ZC3H12A: variants seen among roughly 807,000 people sequenced by gnomAD.
ZC3H12A encodes zinc finger CCCH-type containing 12A, also known as endoribonuclease ZC3H12A.
In ZC3H12A, 9 loss-of-function variants were observed where a neutral mutation model predicts 29.9. The observed-to-expected ratio is 0.30, with a 90% CI of 0.18 to 0.53. The LOEUF is 0.53. Among genes scored for constraint, ZC3H12A ranks in the 20% least tolerant of loss-of-function variants. The pLI is 0.96. For synonymous variants in ZC3H12A, 323 were observed against 338.1 expected (o/e 0.96, Z 0.49); for missense variants, 617 against 799.0 (o/e 0.77, Z 2.75).
At chr1:37,477,007 C>G (rs190557383) in intron 2 of ZC3H12A, among the ~76,000 whole-genome samples, 59 of 152,326 alleles carry the variant, frequency 3.9e-4, no homozygotes, top group African/African-American at 1.3e-3. Flanking sequence ...TCCAGCTGGC[C>G]CTGGCCCAGC....
Position 37,475,896 on chromosome 1 carries a change from G to A in ZC3H12A, c.400G>A (p.Asp134Asn), listed in dbSNP as rs778288507. The A allele has an allele frequency of 3.1e-5, 48 of 1,533,262 alleles. No homozygotes were observed. Among genetic ancestry groups the A allele is most frequent in the African/African-American group, 8.3e-5 (6 of 72,560 alleles). 95.0% of individuals were successfully genotyped at this position (1,533,262 alleles called of 1,614,324 possible). A position where few individuals can be genotyped will look rare whatever the true frequency, so the allele number is the denominator to read the frequency against. Reference sequence around the variant, plus strand: ...CCCAGAAGAGGAAAAGGAGGGCAGCGACCTGAGACCAGTGGTCATCGATGG... The same window carrying A: ...CCCAGAAGAGGAAAAGGAGGGCAGCAACCTGAGACCAGTGGTCATCGATGG... ...PLPEEEKEGS[D>N]LRPVVIDGSN... Residue 134 changes from aspartate (D) to asparagine (N), a missense_variant, in exon 2 of 6, where the codon GAC (aspartate) becomes AAC (asparagine). By Grantham distance (23) the Asp-to-Asn change is conservative (BLOSUM62 1). This residue lies in a region of ZC3H12A where 255 missense variants were observed against 402.5 expected (regional missense o/e 0.63). Transcript: ENST00000373087. This position sits in a 1 kb window ranked among gnomAD's most constrained non-coding sequence, Gnocchi z 5.2.
chr1:37,476,068 C>T lies in ZC3H12A; in HGVS notation c.443+129C>T. 1 of 1,032,796 alleles carries T rather than the reference C, an allele frequency of 9.7e-7. No individual in the cohort carries two copies. Among genetic ancestry groups the T allele is most frequent in the South Asian group, 1.9e-5 (1 of 51,526 alleles). The allele number at this position is 1,032,796 out of a possible 1,614,324, so 64.0% of individuals were successfully genotyped here. On this transcript the variant is annotated intron_variant, in intron 2 of 5. Transcript: ENST00000373087. This position sits in a 1 kb window ranked among gnomAD's most constrained non-coding sequence, Gnocchi z 6.0. Reference sequence around the variant, plus strand: ...AGTGACTTCCTTCTTAGGGACTGGTCTAGAGGGAGGGAAAGCCTTTTATGA... The same window carrying T: ...AGTGACTTCCTTCTTAGGGACTGGTTTAGAGGGAGGGAAAGCCTTTTATGA...
chr1:37,474,954 G>A (rs1440092318), intron 1 of ZC3H12A, among the ~76,000 whole-genome samples: 1 of 152,208 alleles, frequency 6.6e-6, no homozygotes, highest in Non-Finnish European at 1.5e-5. Flanking sequence ...TTCTCCCCAC[G>A]GGTCACCCCA....
At chr1:37,482,339 A>G (rs1210849532) in intron 4 of ZC3H12A, 95 bp from the exon 5 acceptor site, 1 of 1,111,634 alleles carries the variant, frequency 9.0e-7, no homozygotes, top group Non-Finnish European at 1.3e-6. Flanking sequence ...TCACTCTCCT[A>G]TTCTTCCCAG....
At position 37,481,745 on chromosome 1, in the gene ZC3H12A, A is replaced by G. The variant is rs1641711263; in HGVS notation, c.728A>G (p.Asn243Ser). ...GAGTCTGACGGGATCGTGGTTTCCAACGACACATACCGTGACCTCCAAGGC... is the reference window on the plus strand; with the variant it reads ...GAGTCTGACGGGATCGTGGTTTCCAGCGACACATACCGTGACCTCCAAGGC... Reference protein sequence around the residue: ...AYESDGIVVSNDTYRDLQGER... With the variant: ...AYESDGIVVSSDTYRDLQGER... The change falls in exon 4 of 6, where the codon AAC (asparagine) becomes AGC (serine). Residue 243 changes from asparagine (N) to serine (S), a missense_variant. This residue lies in a region of ZC3H12A where 255 missense variants were observed against 402.5 expected (regional missense o/e 0.63). Coordinates refer to ENST00000373087, the MANE Select transcript of ZC3H12A (RefSeq NM_025079.3). 6.2e-7 allele frequency: 1 copy of G among 1,614,244 alleles called. No homozygotes were observed. The highest frequency in any genetic ancestry group is 1.1e-5 in the South Asian group (1 of 91,088).
chr1:37,478,258 A>G lies in ZC3H12A; in HGVS notation c.444-2032A>G, dbSNP rs981197408. Among the ~76,000 whole-genome samples the G allele has an allele frequency of 3.7e-4, 56 of 152,220 alleles. No individual in the cohort carries two copies. Among genetic ancestry groups the G allele is most frequent in the African/African-American group, 1.1e-3 (45 of 41,454 alleles). ...AGGTCAGGGAAGGCTTCTCAGAGGC[A>G]GTGACATCTCACAAGGGTTCTGAAG... On this transcript the variant is annotated intron_variant, in intron 2 of 5. Coordinates refer to ENST00000373087, the MANE Select transcript of ZC3H12A (RefSeq NM_025079.3). The surrounding 1 kb of genome is among the most constrained non-coding windows in gnomAD (Gnocchi z 5.2).
At position 37,479,421 on chromosome 1, in the gene ZC3H12A, T is replaced by G. The variant is rs539933565; in HGVS notation, c.444-869T>G. 1 of 985,302 alleles carries G rather than the reference T, an allele frequency of 1.0e-6. No homozygotes were observed. Among genetic ancestry groups the G allele is most frequent in the African/African-American group, 1.7e-5 (1 of 57,222 alleles). 61.0% of individuals were successfully genotyped at this position (985,302 alleles called of 1,614,324 possible). ...GCCCAGGAGCCCTGCCAGGCTTCCTTCTGGGTGCAGCCACCTGTGGGTGGG... is the reference window on the plus strand; with the variant it reads ...GCCCAGGAGCCCTGCCAGGCTTCCTGCTGGGTGCAGCCACCTGTGGGTGGG... On this transcript the variant is annotated intron_variant, in intron 2 of 5. Transcript: ENST00000373087. The surrounding 1 kb of genome is among the most constrained non-coding windows in gnomAD (Gnocchi z 4.5).
At position 37,474,830 on chromosome 1, in the gene ZC3H12A, G is replaced by A. The variant is rs922826295; in HGVS notation, c.-39+201G>A. ...ACTTTGCCCAAGTTGGGAGAGCCGG[G>A]GAAGAGCACCAGGTTCCTGATCGGG... is the stretch of plus-strand genomic sequence containing the variant. On this transcript the variant is annotated intron_variant, in intron 1 of 5. Coordinates refer to ENST00000373087, the MANE Select transcript of ZC3H12A (RefSeq NM_025079.3). 6.4e-4 allele frequency among the ~76,000 whole-genome samples: 97 copies of A among 152,278 alleles called. 1 individual carries two copies. Among genetic ancestry groups the A allele is most frequent in the African/African-American group, 2.2e-3 (93 of 41,580 alleles).
chr1:37,482,765 C>T lies in ZC3H12A; in HGVS notation c.954C>T (p.Cys318=), dbSNP rs1474839196. The T allele has an allele frequency of 6.2e-7, 1 of 1,614,094 alleles. No individual in the cohort carries two copies. The highest frequency in any genetic ancestry group is 8.5e-7 in the Non-Finnish European group (1 of 1,180,030). Residue 318 remains cysteine (C), a synonymous_variant, in exon 6 of 6, where the codon TGC becomes TGT. Transcript: ENST00000373087. ...YGRKCTYGIK[C]RFFHPERPSC... ...GGAAATGCACCTATGGGATCAAGTG[C>T]CGATTCTTCCACCCAGAGCGGCCAA... is the stretch of plus-strand genomic sequence containing the variant.
chr1:37,483,715 AG>A lies in ZC3H12A; in HGVS notation c.*106del, dbSNP rs1641767199. ...TTCCCAGCCCTGAGGCCCACCCCAG[AG>A]GCTGGACAGAGGGAGGATTCAAGTC... is the stretch of plus-strand genomic sequence containing the variant. On this transcript the variant is annotated 3_prime_UTR_variant, in exon 6 of 6. Coordinates refer to ENST00000373087, the MANE Select transcript of ZC3H12A (RefSeq NM_025079.3). The A allele has an allele frequency of 7.3e-7, 1 of 1,377,528 alleles. No homozygotes were observed. Among genetic ancestry groups the A allele is most frequent in the Non-Finnish European group, 9.6e-7 (1 of 1,038,994 alleles). 85.3% of individuals were successfully genotyped at this position (1,377,528 alleles called of 1,614,324 possible).
rs1033195177 is a variant in ZC3H12A, at chr1:37,479,923, C to A, written c.444-367C>A. ...TCTCGCGGCACCTTTCCCCCACCCC[C>A]AGGTGTGTTGCAAGTGGCCTGGCCC... On this transcript the variant is annotated intron_variant, in intron 2 of 5. Transcript: ENST00000373087. The surrounding 1 kb of genome is among the most constrained non-coding windows in gnomAD (Gnocchi z 4.5). The A allele has an allele frequency of 5.0e-5, 51 of 1,027,780 alleles. No individual in the cohort carries two copies. The highest frequency in any genetic ancestry group is 5.5e-5 in the Non-Finnish European group (47 of 855,692). The allele number at this position is 1,027,780 out of a possible 1,614,324, so 63.7% of individuals were successfully genotyped here. A position where few individuals can be genotyped will look rare whatever the true frequency, so the allele number is the denominator to read the frequency against.
intron 4 of ZC3H12A, 90 bp downstream of exon 4, chr1:37,481,925 T>G: frequency 1.5e-6 from 2 of 1,357,108 alleles, no homozygotes; most frequent in South Asian, 2.5e-5. Context: ...GGGGCTGGGC[T>G]CTGCGGGGCC....
At position 37,483,060 on chromosome 1, in the gene ZC3H12A, CCCA is replaced by C. The variant is rs1427323319; in HGVS notation, c.1251_1253del (p.Thr418del). ...CGGGGGCAGTGGCAGCAGCTTTGGGCCCACAGACTGGCTCCCACAGACGCTGGA... is the reference window on the plus strand; with the variant it reads ...CGGGGGCAGTGGCAGCAGCTTTGGGCCAGACTGGCTCCCACAGACGCTGGA... On this transcript the variant is annotated inframe_deletion, in exon 6 of 6. Transcript: ENST00000373087. 3.7e-6 allele frequency: 6 copies of C among 1,608,302 alleles called. No individual in the cohort carries two copies. In the African/African-American group the frequency reaches 8.0e-5, roughly 22 times the overall value.
chr1:37,479,361 C>T lies in ZC3H12A; in HGVS notation c.444-929C>T, dbSNP rs1270755447. 1 of 985,432 alleles carries T rather than the reference C, an allele frequency of 1.0e-6. No homozygotes were observed. The highest frequency in any genetic ancestry group is 1.2e-6 in the Non-Finnish European group (1 of 829,946). 61.0% of individuals were successfully genotyped at this position (985,432 alleles called of 1,614,324 possible). On this transcript the variant is annotated intron_variant, in intron 2 of 5. Transcript: ENST00000373087. The surrounding 1 kb of genome is among the most constrained non-coding windows in gnomAD (Gnocchi z 4.5). ...CTTAAGGAAGCTGCAGACTGCTGGG[C>T]CCATTTTCAGATAGAGGAACGGAGA...
chr1:37,477,876 G>A (rs184249819), intron 2 of ZC3H12A, among the ~76,000 whole-genome samples: 6 of 152,226 alleles, frequency 3.9e-5, no homozygotes, highest in East Asian at 1.9e-4. Context: ...CTCTGATAGC[G>A]CCCACTGATC....
rs1641767247 is a variant in ZC3H12A, at chr1:37,483,717, G to A, written c.*106G>A. The A allele has an allele frequency of 1.5e-6, 2 of 1,377,664 alleles. No homozygotes were observed. Among genetic ancestry groups the A allele is most frequent in the South Asian group, 1.5e-5 (1 of 66,690 alleles). The allele number at this position is 1,377,664 out of a possible 1,614,324, so 85.3% of individuals were successfully genotyped here. On this transcript the variant is annotated 3_prime_UTR_variant, in exon 6 of 6. Transcript: ENST00000373087. ...CCCAGCCCTGAGGCCCACCCCAGAGGCTGGACAGAGGGAGGATTCAAGTCG... is the reference window on the plus strand; with the variant it reads ...CCCAGCCCTGAGGCCCACCCCAGAGACTGGACAGAGGGAGGATTCAAGTCG...
At chr1:37,481,255 G>A (rs1415255100) in intron 3 of ZC3H12A, among the ~76,000 whole-genome samples, 1 of 152,164 alleles carries the variant, frequency 6.6e-6, no homozygotes, top group African/African-American at 2.4e-5. Context: ...GCTCATTCAC[G>A]GACCCCTCAG....
In ZC3H12A at chr1:37,478,661, CTCTT is replaced by C. The variant is rs1641639349; in HGVS notation, c.444-1628_444-1625del. ...AAGCATAGGCCCTGGGCTTGCGTCTCTCTTCCACCGTTAACTGCTGTGTGACCCT... is the reference window on the plus strand; with the variant it reads ...AAGCATAGGCCCTGGGCTTGCGTCTCCCACCGTTAACTGCTGTGTGACCCT... On this transcript the variant is annotated intron_variant, in intron 2 of 5. Transcript: ENST00000373087. This position sits in a 1 kb window ranked among gnomAD's most constrained non-coding sequence, Gnocchi z 5.2. Among the ~76,000 whole-genome samples, 1 of 151,902 alleles carries C rather than the reference CTCTT, an allele frequency of 6.6e-6. No individual in the cohort carries two copies. The highest frequency in any genetic ancestry group is 1.5e-5 in the Non-Finnish European group (1 of 67,948).
At chr1:37,482,363 C>T (rs139340200) in intron 4 of ZC3H12A, 71 bp from the exon 5 acceptor site, 9 of 1,338,870 alleles carry the variant, frequency 6.7e-6, no homozygotes, top group African/African-American at 1.5e-5. Context: ...GGCTTGCCAT[C>T]GGCCCCTTCT....
Sources: gnomAD v4.1 joint callset for allele counts (sites outside exome capture counted in the v4.1 genomes callset) on GRCh38, gnomAD v4.1.1 for gene constraint, gnomAD v4.1.1 regional missense constraint, Gnocchi (gnomAD v3.1) non-coding constraint, MANE v1.5 for transcripts, NCBI Gene and HGNC (gene_info 2026-07-23, HGNC 2026-07-21) for gene names.